The following PTK2B variants were observed in gnomAD, a reference collection of about 807,000 sequenced individuals.
PTK2B encodes the protein protein tyrosine kinase 2 beta.
In PTK2B, 71 loss-of-function variants were observed where a neutral mutation model predicts 142.9. The ratio of observed to expected loss-of-function variants is 0.50; its 90% CI spans 0.41 to 0.61. The LOEUF (loss-of-function observed/expected upper bound fraction) is 0.61. Ranked by LOEUF, PTK2B falls within the 20% of genes least tolerant of loss-of-function variation. The pLI is 0.00. For synonymous variants in PTK2B, 519 were observed against 503.4 expected (o/e 1.03, Z -0.42); for missense variants, 1,105 against 1,320.4 (o/e 0.84, Z 2.53).
At chr8:27,310,915 C>G (rs759373247), upstream of PTK2B, 1 of 1,612,784 alleles carries the variant, frequency 6.2e-7, no homozygotes, top group Non-Finnish European at 8.5e-7. Flanking sequence ...AGAGGCTGAG[C>G]TGTCCGCGGT....
chr8:27,423,698 A>T (rs1409173985), intron 5 of PTK2B, among the ~76,000 whole-genome samples: 1 of 152,108 alleles, frequency 6.6e-6, no homozygotes, highest in African/African-American at 2.4e-5. Context: ...GGCACTGGGG[A>T]ATTCTGGCCC....
intron 1 of PTK2B, among the ~76,000 whole-genome samples, chr8:27,360,543 C>A (rs1357748560): frequency 6.6e-6 from 1 of 152,100 alleles, no homozygotes; most frequent in Non-Finnish European, 1.5e-5. Flanking sequence ...CAGCCCCGTT[C>A]CTCCACCATG....
chr8:27,441,657 A>G (rs1005031886), intron 21 of PTK2B, among the ~76,000 whole-genome samples: 4 of 152,220 alleles, frequency 2.6e-5, no homozygotes, highest in Admixed American at 1.3e-4. Context: ...CTTAAAAGGC[A>G]TCTCTGTTCC....
At chr8:27,411,761 C>A (rs1200032804) in intron 2 of PTK2B, among the ~76,000 whole-genome samples, 1 of 152,198 alleles carries the variant, frequency 6.6e-6, no homozygotes. Flanking sequence ...TCACAGTGCA[C>A]TTCTAGAGTT....
intron 1 of PTK2B, among the ~76,000 whole-genome samples, chr8:27,383,865 T>TTTTTTTTTTTTTTTTA (rs1563238858): frequency 6.7e-6 from 1 of 149,736 alleles, no homozygotes; most frequent in African/African-American, 2.4e-5. Flanking sequence ...TTTTTTTTTT[T>TTTTTTTTTTTTTTTTA]GAGACAGAGT....
intron 1 of PTK2B, among the ~76,000 whole-genome samples, chr8:27,332,355 C>T (rs1336353892): frequency 6.6e-6 from 1 of 152,124 alleles, no homozygotes; most frequent in Non-Finnish European, 1.5e-5. Flanking sequence ...GTGAAAATCC[C>T]CCATAAAACA....
intron 23 of PTK2B, 104 bp downstream of exon 23, chr8:27,444,375 A>ACTGC: frequency 1.5e-6 from 2 of 1,312,828 alleles, no homozygotes; most frequent in Non-Finnish European, 1.1e-6. Context: ...CACTTGGGTG[A>ACTGC]TGGAGATGGC....
chr8:27,452,083 T>C (rs939702803), intron 27 of PTK2B: 5 of 153,020 alleles, frequency 3.3e-5, no homozygotes, highest in African/African-American at 1.2e-4. Flanking sequence ...GGACCATTTA[T>C]TATCTTCTGA....
At chr8:27,374,474 G>T (rs776293989) in intron 1 of PTK2B, among the ~76,000 whole-genome samples, 1 of 152,252 alleles carries the variant, frequency 6.6e-6, no homozygotes, top group Non-Finnish European at 1.5e-5. Flanking sequence ...AAGAAAAAAT[G>T]TAAGCAGGAG....
upstream of PTK2B, among the ~76,000 whole-genome samples, chr8:27,320,980 C>CTTTTTTTTTTTTTTTTTT: frequency 5.4e-3 from 213 of 39,396 alleles, 66 homozygotes; most frequent in Non-Finnish European, 7.1e-3. Flanking sequence ...ATACAAAAGG[C>CTTTTTTTTTTTTTTTTTT]TTTTTTTTTT....
intron 30 of PTK2B, among the ~76,000 whole-genome samples, chr8:27,455,637 C>G (rs73679203): frequency 0.015 from 2,216 of 152,328 alleles, 58 homozygotes; most frequent in African/African-American, 0.051. Context: ...GGCCGCAGGC[C>G]AAGGAAGGCA....
chr8:27,334,834 T>A (rs937320974), intron 1 of PTK2B, among the ~76,000 whole-genome samples: 1 of 152,168 alleles, frequency 6.6e-6, no homozygotes, highest in Non-Finnish European at 1.5e-5. Context: ...GATGCCCTTC[T>A]TGCCTGTCCT....
At chr8:27,395,394 A>G (rs1370764664) in intron 1 of PTK2B, among the ~76,000 whole-genome samples, 2 of 152,188 alleles carry the variant, frequency 1.3e-5, no homozygotes, top group African/African-American at 4.8e-5. Flanking sequence ...ATGATTAAAT[A>G]TGCCATATTG....
At chr8:27,445,762 G>C in intron 23 of PTK2B, 32 bp from the exon 24 acceptor site, 1 of 1,611,516 alleles carries the variant, frequency 6.2e-7, no homozygotes, top group Non-Finnish European at 8.5e-7. Context: ...GCTTTGTCCC[G>C]TGCCTTGTGC....
At chr8:27,406,172 C>G (rs185599693) in intron 2 of PTK2B, among the ~76,000 whole-genome samples, 1 of 152,192 alleles carries the variant, frequency 6.6e-6, no homozygotes, top group East Asian at 1.9e-4. Context: ...GTGGACTTCT[C>G]CTCTCTCTGT....
intron 2 of PTK2B, among the ~76,000 whole-genome samples, chr8:27,416,102 C>G (rs1383456074): frequency 6.6e-6 from 1 of 152,122 alleles, no homozygotes; most frequent in Non-Finnish European, 1.5e-5. Flanking sequence ...AAAAAAATGC[C>G]AGTTCTCTCC....
rs146171096 is a variant in PTK2B at position 27,445,839 on chromosome 8, A to T, written c.2260A>T (p.Met754Leu). ...CASSPTLTSPMEYPSPVNSLH... is the reference protein window; with the variant it reads ...CASSPTLTSPLEYPSPVNSLH... ...CAGCTCTCCTACGCTCACCAGCCCT[A>T]TGGAGTATCCATCTCCCGTTAACTC... The change falls in exon 24 of 31, where the codon ATG becomes TTG. Residue 754 changes from methionine (M) to leucine (L), a missense_variant. Transcript: ENST00000346049. The T allele has an allele frequency of 6.2e-7, 1 of 1,613,972 alleles. No homozygotes were observed. The highest frequency in any genetic ancestry group is 8.5e-7 in the Non-Finnish European group (1 of 1,180,040).
chr8:27,431,091 A>G (rs1424257522), intron 8 of PTK2B, 75 bp downstream of exon 8: 5 of 1,553,792 alleles, frequency 3.2e-6, no homozygotes, highest in East Asian at 2.3e-5. Context: ...AGGAGGGGGC[A>G]GGGAGAGGCT....
rs1481506022 is a variant in PTK2B, at chr8:27,459,296, T to C, written c.*787T>C. On this transcript the variant is annotated 3_prime_UTR_variant, in exon 31 of 31. Transcript: ENST00000346049. ...TTTCTCTCCCCAACCCCCATTCTCA[T>C]CTGCACCCTTCTTTTCTCATGTGTT... 1.7e-5 allele frequency: 4 copies of C among 233,412 alleles called. No homozygotes were observed. The highest frequency in any genetic ancestry group is 3.4e-5 in the Non-Finnish European group (4 of 118,212). 14.5% of individuals were successfully genotyped at this position (233,412 alleles called of 1,614,324 possible).
Sources: gnomAD v4.1 joint callset for allele counts (sites outside exome capture counted in the v4.1 genomes callset) on GRCh38, gnomAD v4.1.1 for gene constraint, MANE v1.5 for transcripts, NCBI Gene and HGNC (gene_info 2026-07-23, HGNC 2026-07-21) for gene names.